LRIF1: variants seen among roughly 807,000 people sequenced by gnomAD.
The protein encoded by LRIF1 is ligand-dependent nuclear receptor-interacting factor 1.
In LRIF1, 32 loss-of-function variants were observed where a neutral mutation model predicts 52.7. The ratio of observed to expected loss-of-function variants is 0.61; its 90% CI spans 0.46 to 0.82. LRIF1 has a LOEUF of 0.82. Among genes scored for constraint, LRIF1 ranks in the 40% least tolerant of loss-of-function variants. The pLI is 0.00. For synonymous variants in LRIF1, 323 were observed against 317.4 expected, an observed-to-expected ratio of 1.02 and a Z score of -0.19; for missense variants, 887 against 892.0, an observed-to-expected ratio of 0.99 and a Z score of 0.07.
the LRIF1 span, among the ~76,000 whole-genome samples, chr1:110,881,774 T>C: frequency 6.6e-6 from 1 of 152,200 alleles, no homozygotes; most frequent in African/African-American, 2.4e-5. Context: ...ACACTTGGTG[T>C]GGTCAGGTTT....
At chr1:110,902,516 A>G in the LRIF1 span, among the ~76,000 whole-genome samples, 6 of 149,048 alleles carry the variant, frequency 4.0e-5, no homozygotes, top group Non-Finnish European at 8.9e-5. Flanking sequence ...AAAAAAAAAA[A>G]AAAAGAAATA....
At chr1:110,897,178 G>A in the LRIF1 span, among the ~76,000 whole-genome samples, 3 of 152,208 alleles carry the variant, frequency 2.0e-5, no homozygotes, top group Non-Finnish European at 4.4e-5. Context: ...GTAAGGAGTT[G>A]AGGGAGACAG....
At chr1:110,908,346 A>G in the LRIF1 span, among the ~76,000 whole-genome samples, 5 of 152,220 alleles carry the variant, frequency 3.3e-5, no homozygotes, top group Non-Finnish European at 7.3e-5. Context: ...TCTGAAAGCA[A>G]GAGTGTCTTC....
chr1:110,886,869 A>ATATTTTTTT, the LRIF1 span, among the ~76,000 whole-genome samples: 30 of 82,780 alleles, frequency 3.6e-4, no homozygotes, highest in Admixed American at 9.7e-4. Flanking sequence ...ATATATATAT[A>ATATTTTTTT]TTTTTTTTTT....
Position 110,952,212 on chromosome 1 carries a change from G to C in LRIF1, c.672C>G (p.Ser224=), listed in dbSNP as rs769466169. The C allele has an allele frequency of 1.2e-6, 2 of 1,614,138 alleles. No homozygotes were observed. The highest frequency in any genetic ancestry group is 2.2e-5 in the South Asian group (2 of 91,076). The change falls in exon 2 of 4, where the codon TCC becomes TCG. Residue 224 remains serine (S), a synonymous_variant. Coordinates refer to ENST00000369763, the MANE Select transcript of LRIF1 (RefSeq NM_018372.4). ...ATACATAAATAACGGTTGGCATTTGGGAGGCCTCAACCATTCCTGAGGTAC... is the reference window on the plus strand; with the variant it reads ...ATACATAAATAACGGTTGGCATTTGCGAGGCCTCAACCATTCCTGAGGTAC... ...TTSTSGMVEA[S]QMPTVIYVSP...
At chr1:110,944,385 A>C (rs573865444), downstream of LRIF1, 7 of 152,326 alleles carry the variant, frequency 4.6e-5, no homozygotes, top group South Asian at 1.2e-3. Flanking sequence ...TAGACATCCA[A>C]TAGAGATATT....
At chr1:110,897,617 C>A in the LRIF1 span, 3 of 475,950 alleles carry the variant, frequency 6.3e-6, no homozygotes, top group African/African-American at 5.9e-5. Flanking sequence ...ATAACACCAC[C>A]AGAAAAGTCT....
At chr1:110,914,857 G>A in the LRIF1 span, among the ~76,000 whole-genome samples, 1 of 152,158 alleles carries the variant, frequency 6.6e-6, no homozygotes, top group Non-Finnish European at 1.5e-5. Flanking sequence ...ATTAACTGCT[G>A]GTGGAAATGT....
chr1:110,917,891 T>C, the LRIF1 span, among the ~76,000 whole-genome samples: 1 of 152,070 alleles, frequency 6.6e-6, no homozygotes, highest in Non-Finnish European at 1.5e-5. Context: ...ACAGAATTTG[T>C]TCAGCAACAT....
At chr1:110,950,681 G>C (rs984555739) in intron 2 of LRIF1, among the ~76,000 whole-genome samples, 3 of 151,810 alleles carry the variant, frequency 2.0e-5, no homozygotes, top group Admixed American at 6.6e-5. Context: ...GTAACTGGCT[G>C]AGGAGTCACA....
chr1:110,894,533 G>A, the LRIF1 span: 3 of 706,716 alleles, frequency 4.2e-6, no homozygotes, highest in Admixed American at 4.8e-5. Flanking sequence ...AGAGGAAACA[G>A]AGAGTAATTG....
the LRIF1 span, among the ~76,000 whole-genome samples, chr1:110,913,583 C>A: frequency 6.6e-6 from 1 of 151,946 alleles, no homozygotes; most frequent in African/African-American, 2.4e-5. Flanking sequence ...AAATGCAAAT[C>A]AAAAAAGATA....
Position 110,947,834 on chromosome 1 carries a change from A to C in LRIF1, c.*125T>G, listed in dbSNP as rs775750603. The C allele has an allele frequency of 7.6e-7, 1 of 1,311,272 alleles. No individual in the cohort carries two copies. The highest frequency in any genetic ancestry group is 1.0e-6 in the Non-Finnish European group (1 of 981,948). 81.2% of individuals were successfully genotyped at this position (1,311,272 alleles called of 1,614,324 possible). A position where few individuals can be genotyped will look rare whatever the true frequency, so the allele number is the denominator to read the frequency against. ...TTTTCTGTATTCCTTAAAGTTGTAC[A>C]ATCGACTGATGAAAAAACAAGCTTC... is the stretch of plus-strand genomic sequence containing the variant. On this transcript the variant is annotated 3_prime_UTR_variant, in exon 4 of 4. Coordinates refer to ENST00000369763, the MANE Select transcript of LRIF1 (RefSeq NM_018372.4).
At chr1:110,888,807 A>G in the LRIF1 span, among the ~76,000 whole-genome samples, 22 of 152,234 alleles carry the variant, frequency 1.4e-4, 1 homozygote, top group East Asian at 1.3e-3. Context: ...CAGACTAGCC[A>G]GATTCTAAGT....
At chr1:110,915,520 T>TAA in the LRIF1 span, among the ~76,000 whole-genome samples, 1 of 101,486 alleles carries the variant, frequency 9.9e-6, no homozygotes, top group Admixed American at 9.4e-5. Flanking sequence ...TAAATAAATT[T>TAA]ACTTACTATG....
At chr1:110,885,162 T>G in the LRIF1 span, among the ~76,000 whole-genome samples, 1 of 152,132 alleles carries the variant, frequency 6.6e-6, no homozygotes, top group Non-Finnish European at 1.5e-5. Flanking sequence ...CCCTTCCCAG[T>G]CTCTACACTA....
the LRIF1 span, among the ~76,000 whole-genome samples, chr1:110,895,391 G>A: frequency 6.6e-6 from 1 of 152,270 alleles, no homozygotes; most frequent in South Asian, 2.1e-4. Flanking sequence ...ACAAGAAATT[G>A]CCATTGAGTT....
At chr1:110,893,471 C>T in the LRIF1 span, among the ~76,000 whole-genome samples, 10 of 152,184 alleles carry the variant, frequency 6.6e-5, no homozygotes, top group South Asian at 6.2e-4. Context: ...TACAGTCATG[C>T]GCCACCATGT....
the LRIF1 span, among the ~76,000 whole-genome samples, chr1:110,931,004 C>CT: frequency 6.6e-6 from 1 of 151,596 alleles, no homozygotes; most frequent in Admixed American, 6.6e-5. Flanking sequence ...TTTTTTAATA[C>CT]TTTAAGTTCT....
Sources: gnomAD v4.1 joint callset for allele counts (sites outside exome capture counted in the v4.1 genomes callset) on GRCh38, gnomAD v4.1.1 for gene constraint, MANE v1.5 for transcripts, NCBI Gene and HGNC (gene_info 2026-07-23, HGNC 2026-07-21) for gene names.